Variants in MSI2 observed in about 807,000 individuals in gnomAD.
MSI2 encodes the protein RNA-binding protein Musashi homolog 2.
MSI2 carries 17 observed loss-of-function variants against 45.6 expected under a neutral mutation model. The ratio of observed to expected loss-of-function variants is 0.37; its 90% CI spans 0.26 to 0.56. MSI2 has a LOEUF of 0.56. Ranked by LOEUF, MSI2 falls within the 20% of genes least tolerant of loss-of-function variation. The pLI is 0.77. For synonymous variants in MSI2, 156 were observed against 158.2 expected, an observed-to-expected ratio of 0.99 and a Z score of 0.11; for missense variants, 293 against 444.2, an observed-to-expected ratio of 0.66 and a Z score of 3.06.
At chr17:57,583,958 C>T (rs2088276448) in intron 7 of MSI2, among the ~76,000 whole-genome samples, 2 of 152,204 alleles carry the variant, frequency 1.3e-5, no homozygotes, top group Admixed American at 1.3e-4. Context: ...ATGCATCTTA[C>T]ATTTTAATTT....
intron 5 of MSI2, among the ~76,000 whole-genome samples, chr17:57,299,331 G>C (rs182914983): frequency 2.6e-5 from 4 of 152,370 alleles, no homozygotes; most frequent in Admixed American, 6.5e-5. Context: ...CATCTTGGCT[G>C]TATGGTGTAA....
intron 6 of MSI2, among the ~76,000 whole-genome samples, chr17:57,519,908 A>G (rs1162724529): frequency 3.9e-5 from 6 of 152,262 alleles, no homozygotes; most frequent in Non-Finnish European, 7.4e-5. Context: ...TGGGTGTATG[A>G]TGCCACGTGT....
chr17:57,553,904 A>C (rs1032933274), intron 7 of MSI2, among the ~76,000 whole-genome samples: 133 of 152,290 alleles, frequency 8.7e-4, no homozygotes, highest in Middle Eastern at 3.4e-3. Flanking sequence ...ATTTAAAGCA[A>C]AGCTCCAGAG....
intron 6 of MSI2, among the ~76,000 whole-genome samples, chr17:57,516,796 C>A (rs142590460): frequency 6.6e-6 from 1 of 152,158 alleles, no homozygotes. Context: ...CAAGATCATG[C>A]GTAAGTGGAA....
chr17:57,677,875 A>G (rs1191821654), intron 13 of MSI2, among the ~76,000 whole-genome samples: 2 of 152,224 alleles, frequency 1.3e-5, no homozygotes, highest in African/African-American at 4.8e-5. Flanking sequence ...CTTCTTGGGA[A>G]GAACACCAGC....
chr17:57,676,415 C>G (rs1913240178), intron 12 of MSI2, among the ~76,000 whole-genome samples: 3 of 152,184 alleles, frequency 2.0e-5, no homozygotes, highest in Admixed American at 2.0e-4. Flanking sequence ...AACTGTGGTA[C>G]CAAATCCAGA....
intron 8 of MSI2, among the ~76,000 whole-genome samples, chr17:57,615,668 C>T (rs1907618057): frequency 6.6e-6 from 1 of 152,216 alleles, no homozygotes; most frequent in Non-Finnish European, 1.5e-5. Context: ...GCCTCCTTAT[C>T]TGTCATGCTT....
chr17:57,402,907 A>T lies in MSI2; in HGVS notation c.405+1436A>T, dbSNP rs550333944. Reference sequence around the variant, plus strand: ...GTGTGTTGATGACTGTGTACGTTATAGCACTTCTCTCTTCCAGACTGATGT... The same window carrying T: ...GTGTGTTGATGACTGTGTACGTTATTGCACTTCTCTCTTCCAGACTGATGT... On this transcript the variant is annotated intron_variant, in intron 6 of 13. Transcript: ENST00000284073. Among the ~76,000 whole-genome samples, 21 of 152,278 alleles carry T rather than the reference A, an allele frequency of 1.4e-4. 1 individual carries two copies. The South Asian group carries it at 4.2e-3, about 30-fold the overall frequency.
At chr17:57,443,087 T>TCTGTGC (rs1223823852) in intron 6 of MSI2, among the ~76,000 whole-genome samples, 1 of 152,080 alleles carries the variant, frequency 6.6e-6, no homozygotes, top group Non-Finnish European at 1.5e-5. Context: ...CTGGCTGATG[T>TCTGTGC]CTGTGCCTGT....
At chr17:57,335,945 C>T (rs1914662262) in intron 5 of MSI2, among the ~76,000 whole-genome samples, 1 of 152,204 alleles carries the variant, frequency 6.6e-6, no homozygotes, top group Non-Finnish European at 1.5e-5. Flanking sequence ...GTAAGACTCT[C>T]ATAAGGACTT....
At chr17:57,333,762 G>T (rs541337229) in intron 5 of MSI2, among the ~76,000 whole-genome samples, 290 of 149,236 alleles carry the variant, frequency 1.9e-3, no homozygotes, top group African/African-American at 7.0e-3. Context: ...CCTTTTAAAC[G>T]TATTATTATT....
intron 6 of MSI2, among the ~76,000 whole-genome samples, chr17:57,496,625 G>C (rs1406110339): frequency 6.6e-6 from 1 of 152,212 alleles, no homozygotes; most frequent in African/African-American, 2.4e-5. Context: ...TGTGCTCCGG[G>C]AGGACAGAGC....
intron 9 of MSI2, among the ~76,000 whole-genome samples, chr17:57,623,754 G>A (rs960559906): frequency 1.3e-5 from 2 of 152,226 alleles, no homozygotes; most frequent in Admixed American, 6.5e-5. Context: ...GCGTCTGCAC[G>A]GGTCTGCTGT....
At chr17:57,554,427 G>C (rs1472694740) in intron 7 of MSI2, among the ~76,000 whole-genome samples, 1 of 152,160 alleles carries the variant, frequency 6.6e-6, no homozygotes, top group African/African-American at 2.4e-5. Flanking sequence ...AGTGAGGCTG[G>C]GGTGTTGCGT....
chr17:57,258,298 C>T lies in MSI2; in HGVS notation c.214C>T (p.Pro72Ser). 6.2e-7 allele frequency: 1 copy of T among 1,614,108 alleles called. No homozygotes were observed. The highest frequency in any genetic ancestry group is 8.5e-7 in the Non-Finnish European group (1 of 1,180,014). The part of the protein sequence containing the change: ...RGFGFVTFAD[P>S]ASVDKVLGQP... Reference sequence around the variant, plus strand: ...CTTCGGTTTCGTCACGTTCGCAGACCCAGCAAGTGTAGATAAAGTATTAGG... The same window carrying T: ...CTTCGGTTTCGTCACGTTCGCAGACTCAGCAAGTGTAGATAAAGTATTAGG... Residue 72 changes from proline (P) to serine (S), a missense_variant, in exon 4 of 14, where the codon CCA (proline) becomes TCA (serine). Transcript: ENST00000284073.
intron 5 of MSI2, among the ~76,000 whole-genome samples, chr17:57,391,088 C>T (rs1320010862): frequency 1.3e-5 from 2 of 152,194 alleles, no homozygotes; most frequent in Non-Finnish European, 2.9e-5. Context: ...AATTTGGGAG[C>T]TCTGAGCTTG....
chr17:57,627,469 C>G lies in MSI2; in HGVS notation c.727+166C>G. 4.5e-6 allele frequency: 3 copies of G among 660,244 alleles called. No individual in the cohort carries two copies. In the South Asian group the frequency reaches 5.6e-5, roughly 12 times the overall value. The allele number at this position is 660,244 out of a possible 1,614,324, so 40.9% of individuals were successfully genotyped here. Reference sequence around the variant, plus strand: ...ACTGAAGTTCAAGGCCAGGATGCAGCTCAGAGTTTTTGATTAACTCAGGTA... The same window carrying G: ...ACTGAAGTTCAAGGCCAGGATGCAGGTCAGAGTTTTTGATTAACTCAGGTA... On this transcript the variant is annotated intron_variant, in intron 10 of 13. Transcript: ENST00000284073. This position sits in a 1 kb window ranked among gnomAD's most constrained non-coding sequence, Gnocchi z 4.6.
At chr17:57,474,130 A>C (rs887710613) in intron 6 of MSI2, among the ~76,000 whole-genome samples, 1 of 152,082 alleles carries the variant, frequency 6.6e-6, no homozygotes, top group Non-Finnish European at 1.5e-5. Flanking sequence ...TGCAGCACCC[A>C]GGGCTTTTTC....
At chr17:57,287,189 G>A (rs146520356) in intron 5 of MSI2, among the ~76,000 whole-genome samples, 9 of 147,060 alleles carry the variant, frequency 6.1e-5, no homozygotes, top group African/African-American at 1.5e-4. Context: ...TGAGGGCCCC[G>A]TGAGCCCAAG....
Sources: allele counts gnomAD v4.1 joint callset (sites outside exome capture counted in the v4.1 genomes callset), GRCh38; gene constraint gnomAD v4.1.1; non-coding constraint Gnocchi (gnomAD v3.1); transcripts MANE v1.5; gene names NCBI Gene and HGNC (gene_info 2026-07-23, HGNC 2026-07-21).